The following RGMA variants were observed in gnomAD, a reference collection of about 807,000 sequenced individuals.
The protein encoded by RGMA is repulsive guidance molecule BMP co-receptor a, also known as repulsive guidance molecule A.
Under a neutral mutation model 23.2 loss-of-function variants are expected in RGMA, and 10 were observed. The ratio of observed to expected loss-of-function variants is 0.43; its 90% CI spans 0.27 to 0.73. The LOEUF (loss-of-function observed/expected upper bound fraction) is 0.73. RGMA is among the 30% of genes least tolerant of loss of function. The pLI, the probability that RGMA is intolerant of heterozygous loss-of-function variation, is 0.20. For missense variants in RGMA, 547 were observed against 630.5 expected (o/e 0.87, Z 1.42); for synonymous variants, 308 against 279.3 (o/e 1.10, Z -1.03).
chr15:93,073,590 C>A, intron 1 of RGMA: 1 of 1,535,656 alleles, frequency 6.5e-7, no homozygotes, highest in South Asian at 1.2e-5. Flanking sequence ...CGACCCCAAG[C>A]TTCCACCGAC....
intron 2 of RGMA, among the ~76,000 whole-genome samples, chr15:93,055,756 C>T (rs757707718): frequency 6.6e-6 from 1 of 152,182 alleles, no homozygotes; most frequent in Non-Finnish European, 1.5e-5. Context: ...GGGTCACCTC[C>T]CAGGGTGAGC....
At chr15:93,065,012 C>A (rs550394638) in intron 2 of RGMA, among the ~76,000 whole-genome samples, 229 of 150,462 alleles carry the variant, frequency 1.5e-3, no homozygotes, top group African/African-American at 5.4e-3. Flanking sequence ...GAGTCTTGCT[C>A]TGTTGCCCAG....
intron 3 of RGMA, among the ~76,000 whole-genome samples, chr15:93,048,071 C>A (rs1443915527): frequency 1.3e-5 from 2 of 152,124 alleles, no homozygotes; most frequent in South Asian, 2.1e-4. Flanking sequence ...GCCTCAGGAC[C>A]AGGTGCTAAG....
intron 2 of RGMA, among the ~76,000 whole-genome samples, chr15:93,058,078 T>C (rs779847655): frequency 1.2e-4 from 19 of 152,286 alleles, no homozygotes; most frequent in Non-Finnish European, 2.2e-4. Context: ...GAAGCACAAT[T>C]TCAACAAGTT....
At chr15:93,086,013 C>T (rs1161333773) in intron 1 of RGMA, among the ~76,000 whole-genome samples, 1 of 152,212 alleles carries the variant, frequency 6.6e-6, no homozygotes, top group Non-Finnish European at 1.5e-5. Context: ...GAGGCTGAAA[C>T]TGAGCAGTCA....
At chr15:93,055,806 G>T (rs2055004422) in intron 2 of RGMA, among the ~76,000 whole-genome samples, 1 of 152,206 alleles carries the variant, frequency 6.6e-6, no homozygotes, top group Non-Finnish European at 1.5e-5. Context: ...CCCAGGTGTG[G>T]CTCTACCCTC....
chr15:93,038,923 G>A lies in RGMA; in HGVS notation c.*6075C>T, dbSNP rs998738867. 2.0e-5 allele frequency: 3 copies of A among 152,196 alleles called. No homozygotes were observed. Among genetic ancestry groups the A allele is most frequent in the Admixed American group, 1.3e-4 (2 of 15,278 alleles). 9.4% of individuals were successfully genotyped at this position (152,196 alleles called of 1,614,324 possible). A position where few individuals can be genotyped will look rare whatever the true frequency, so the allele number is the denominator to read the frequency against. ...ACTTGATTGGATTGGAGGATGCAAA[G>A]TATCGTTCCTGGGTGTGTCTGTGAG... On this transcript the variant is annotated 3_prime_UTR_variant, in exon 4 of 4. Transcript: ENST00000329082.
intron 2 of RGMA, among the ~76,000 whole-genome samples, chr15:93,064,822 T>C (rs1356397216): frequency 6.6e-6 from 1 of 152,202 alleles, no homozygotes; most frequent in Non-Finnish European, 1.5e-5. Context: ...TAGAATGCTA[T>C]GCCATGGTGA....
intron 1 of RGMA, among the ~76,000 whole-genome samples, chr15:93,087,783 A>C (rs1352714944): frequency 6.6e-6 from 1 of 152,108 alleles, no homozygotes; most frequent in African/African-American, 2.4e-5. Context: ...AAGGTGATGG[A>C]GCTCCTTTAG....
Position 93,039,041 on chromosome 15 carries a change from G to T in RGMA, c.*5957C>A, listed in dbSNP as rs1356044429. Reference sequence around the variant, plus strand: ...GTGGGCACCATCTAATCACCTGCCAGCGAGGCTAGGATAAAAGCGGGCAGA... The same window carrying T: ...GTGGGCACCATCTAATCACCTGCCATCGAGGCTAGGATAAAAGCGGGCAGA... On this transcript the variant is annotated 3_prime_UTR_variant, in exon 4 of 4. Transcript: ENST00000329082. 3.3e-5 allele frequency: 5 copies of T among 152,224 alleles called. No homozygotes were observed. The highest frequency in any genetic ancestry group is 6.5e-5 in the Admixed American group (1 of 15,282). The allele number at this position is 152,224 out of a possible 1,614,324, so 9.4% of individuals were successfully genotyped here.
chr15:93,064,949 C>G (rs960124113), intron 2 of RGMA, among the ~76,000 whole-genome samples: 1 of 152,082 alleles, frequency 6.6e-6, no homozygotes, highest in East Asian at 1.9e-4. Flanking sequence ...TTCTATACCA[C>G]ACAGTACAGA....
At chr15:93,066,017 G>A (rs774319825) in intron 2 of RGMA, 2 of 1,425,654 alleles carry the variant, frequency 1.4e-6, no homozygotes, top group Non-Finnish European at 2.0e-6. Flanking sequence ...TCTCTGCCAG[G>A]TTCTGTCCCC....
In RGMA at chr15:93,089,013, G is replaced by T. The variant is rs1306218636; in HGVS notation, c.-81C>A. 5 of 917,406 alleles carry T rather than the reference G, an allele frequency of 5.5e-6. No individual in the cohort carries two copies. The highest frequency in any genetic ancestry group is 3.5e-4 in the Middle Eastern group (1 of 2,818). 56.8% of individuals were successfully genotyped at this position (917,406 alleles called of 1,614,324 possible). ...TGTCGGGGCGCCGCTCGTCTGCCCCGGGGCAAGGTGGGAGGGGCTCCGCTG... is the reference window on the plus strand; with the variant it reads ...TGTCGGGGCGCCGCTCGTCTGCCCCTGGGCAAGGTGGGAGGGGCTCCGCTG... On this transcript the variant is annotated 5_prime_UTR_variant, in exon 1 of 4. Transcript: ENST00000329082.
At chr15:93,078,029 T>A (rs1316524700) in intron 1 of RGMA, among the ~76,000 whole-genome samples, 1 of 152,200 alleles carries the variant, frequency 6.6e-6, no homozygotes, top group Non-Finnish European at 1.5e-5. Context: ...TTTACTTAAG[T>A]TGTATTTTAT....
chr15:93,054,369 T>C (rs1319632850), intron 2 of RGMA, among the ~76,000 whole-genome samples: 1 of 152,178 alleles, frequency 6.6e-6, no homozygotes, highest in Non-Finnish European at 1.5e-5. Context: ...GGTTCGGCTG[T>C]GTCCCCACCC....
Position 93,044,618 on chromosome 15 carries a change from C to A in RGMA, c.*380G>T. The A allele has an allele frequency of 3.6e-6, 1 of 280,756 alleles. No homozygotes were observed. Among genetic ancestry groups the A allele is most frequent in the South Asian group, 5.3e-5 (1 of 18,906 alleles). 17.4% of individuals were successfully genotyped at this position (280,756 alleles called of 1,614,324 possible). ...ACAGGGGGCCCCACGGATCGGCGAGCAGCAGTCGGCCGGGCCTTTCAGTGC... is the reference window on the plus strand; with the variant it reads ...ACAGGGGGCCCCACGGATCGGCGAGAAGCAGTCGGCCGGGCCTTTCAGTGC... On this transcript the variant is annotated 3_prime_UTR_variant, in exon 4 of 4. Coordinates refer to ENST00000329082, the MANE Select transcript of RGMA (RefSeq NM_020211.3).
chr15:93,064,980 A>ATT (rs200573689), intron 2 of RGMA, among the ~76,000 whole-genome samples: 5 of 144,184 alleles, frequency 3.5e-5, no homozygotes, highest in Admixed American at 7.0e-5. Context: ...CCACATGGTA[A>ATT]TTTTTTTTTT....
intron 1 of RGMA, among the ~76,000 whole-genome samples, chr15:93,078,090 C>G (rs988045163): frequency 1.3e-5 from 2 of 152,150 alleles, no homozygotes; most frequent in African/African-American, 4.8e-5. Context: ...CTAAGCCTCC[C>G]CAAGCCACTC....
intron 2 of RGMA, among the ~76,000 whole-genome samples, chr15:93,056,905 A>G (rs2055023943): frequency 6.6e-6 from 1 of 152,226 alleles, no homozygotes; most frequent in Admixed American, 6.5e-5. Context: ...CAAAGGCCAC[A>G]GTGGGGTACA....
Sources: gnomAD v4.1 joint callset for allele counts (sites outside exome capture counted in the v4.1 genomes callset) on GRCh38, gnomAD v4.1.1 for gene constraint, MANE v1.5 for transcripts, NCBI Gene and HGNC (gene_info 2026-07-23, HGNC 2026-07-21) for gene names.